The following LAMA2 variants were observed in gnomAD, a reference collection of about 807,000 sequenced individuals.
LAMA2 encodes laminin subunit alpha-2.
A neutral mutation model predicts 364.8 loss-of-function variants in LAMA2; 269 were observed. The observed-to-expected ratio is 0.74, with a 90% confidence interval of 0.67 to 0.82. The LOEUF (loss-of-function observed/expected upper bound fraction) is 0.82, where lower values mean the gene tolerates loss of function less well. LAMA2 is among the 40% of genes least tolerant of loss of function. LAMA2 has a pLI of 0.00. For missense variants in LAMA2, 3,807 were observed against 3,873.2 expected, an observed-to-expected ratio of 0.98 and a Z score of 0.45; for synonymous variants, 1,379 against 1,370.6, an observed-to-expected ratio of 1.01 and a Z score of -0.14.
chr6:129,315,867 CCTA>C lies in LAMA2; in HGVS notation c.3844_3846del (p.Thr1282del). 2 of 1,614,026 alleles carry C rather than the reference CCTA, an allele frequency of 1.2e-6. No individual in the cohort carries two copies. The highest frequency in any genetic ancestry group is 8.5e-7 in the Non-Finnish European group (1 of 1,179,966). On this transcript the variant is annotated inframe_deletion, in exon 26 of 65. Coordinates refer to ENST00000421865, the MANE Select transcript of LAMA2 (RefSeq NM_000426.4). ...TCAAGTGATCATTCGAGGTGGGACA[CCTA>C]CTCATGCTAGAATTATCGTCAGGCA...
intron 1 of LAMA2, among the ~76,000 whole-genome samples, chr6:128,890,393 C>T (rs1223708324): frequency 2.6e-5 from 4 of 151,964 alleles, no homozygotes; most frequent in African/African-American, 9.6e-5. Context: ...CTCTTTTGGA[C>T]TTTTATATAT....
intron 9 of LAMA2, among the ~76,000 whole-genome samples, chr6:129,176,831 T>G (rs1780625850): frequency 6.6e-6 from 1 of 152,126 alleles, no homozygotes; most frequent in Admixed American, 6.5e-5. Context: ...CTTGTGCACA[T>G]TACATGTTTA....
At chr6:128,897,975 C>A (rs1776871886) in intron 1 of LAMA2, among the ~76,000 whole-genome samples, 1 of 152,176 alleles carries the variant, frequency 6.6e-6, no homozygotes, top group Non-Finnish European at 1.5e-5. Flanking sequence ...AGTGCTGTTG[C>A]AATAGTGCTG....
intron 14 of LAMA2, among the ~76,000 whole-genome samples, chr6:129,260,423 C>T (rs2114319109): frequency 6.6e-6 from 1 of 152,148 alleles, no homozygotes; most frequent in Non-Finnish European, 1.5e-5. Flanking sequence ...AAATGTCTGT[C>T]TCCAAAAAAT....
intron 1 of LAMA2, among the ~76,000 whole-genome samples, chr6:128,995,954 TTC>T (rs1047761981): frequency 2.0e-5 from 3 of 152,228 alleles, no homozygotes; most frequent in African/African-American, 4.8e-5. Context: ...TTCCTTTTTA[TTC>T]TCTCTGATGA....
chr6:129,113,715 G>A (rs904064832), intron 4 of LAMA2, among the ~76,000 whole-genome samples: 2 of 151,992 alleles, frequency 1.3e-5, no homozygotes, highest in Non-Finnish European at 2.9e-5. Flanking sequence ...AGCAAAATGA[G>A]AAGGAATAGT....
intron 56 of LAMA2, 95 bp from the exon 57 acceptor site, chr6:129,491,806 G>A (rs1784876108): frequency 2.9e-6 from 3 of 1,027,080 alleles, no homozygotes; most frequent in Non-Finnish European, 4.5e-6. Flanking sequence ...AAAAGCTATG[G>A]TTGAGAGGGG....
At position 129,450,563 on chromosome 6, in the gene LAMA2, C is replaced by T. The variant is rs143625500; in HGVS notation, c.6430-2425C>T. Reference sequence around the variant, plus strand: ...GTCTGGATCTCCTGACCTCATGATCCGCCCATCTCAGCCTCCCAAAGTGCT... The same window carrying T: ...GTCTGGATCTCCTGACCTCATGATCTGCCCATCTCAGCCTCCCAAAGTGCT... On this transcript the variant is annotated intron_variant, in intron 45 of 64. Transcript: ENST00000421865. 1.8e-3 allele frequency among the ~76,000 whole-genome samples: 281 copies of T among 152,176 alleles called. 1 individual carries two copies. Among genetic ancestry groups the T allele is most frequent in the African/African-American group, 6.2e-3 (259 of 41,524 alleles).
chr6:129,167,325 C>G, intron 9 of LAMA2, among the ~76,000 whole-genome samples: 1 of 129,206 alleles, frequency 7.7e-6, no homozygotes, highest in African/African-American at 2.9e-5. Flanking sequence ...CCCCACCCCA[C>G]AACAGTCCCC....
intron 27 of LAMA2, among the ~76,000 whole-genome samples, chr6:129,317,896 T>A (rs1774712014): frequency 6.6e-6 from 1 of 151,978 alleles, no homozygotes; most frequent in Admixed American, 6.6e-5. Flanking sequence ...TGTGACACTT[T>A]GTCTTTTTTT....
intron 22 of LAMA2, among the ~76,000 whole-genome samples, chr6:129,306,813 G>A (rs1773908615): frequency 6.6e-6 from 1 of 151,720 alleles, no homozygotes; most frequent in African/African-American, 2.4e-5. Flanking sequence ...TTTGGACATT[G>A]TATATCTTTT....
chr6:129,449,588 A>G (rs1282118178), intron 45 of LAMA2, among the ~76,000 whole-genome samples: 3 of 152,220 alleles, frequency 2.0e-5, no homozygotes, highest in Admixed American at 6.5e-5. Flanking sequence ...CATTCAAGCC[A>G]TAGCAGTTAC....
chr6:128,994,983 T>G (rs1783839928), intron 1 of LAMA2, among the ~76,000 whole-genome samples: 1 of 152,128 alleles, frequency 6.6e-6, no homozygotes, highest in Non-Finnish European at 1.5e-5. Flanking sequence ...ATTTAATTAG[T>G]TAATGCTTTG....
intron 17 of LAMA2, among the ~76,000 whole-genome samples, chr6:129,278,948 C>T (rs553881385): frequency 7.9e-5 from 12 of 152,138 alleles, no homozygotes; most frequent in African/African-American, 2.7e-4. Context: ...CTGATCTGCA[C>T]CAAAGTTAAG....
intron 29 of LAMA2, among the ~76,000 whole-genome samples, chr6:129,334,032 C>T (rs563017411): frequency 6.6e-6 from 1 of 152,126 alleles, no homozygotes; most frequent in Non-Finnish European, 1.5e-5. Context: ...TATTTTCTTT[C>T]ATGGAACTCA....
chr6:128,896,783 T>C (rs1199163979), intron 1 of LAMA2, among the ~76,000 whole-genome samples: 1 of 152,252 alleles, frequency 6.6e-6, no homozygotes, highest in African/African-American at 2.4e-5. Flanking sequence ...CCTCACAGGC[T>C]ATTCTTTTCT....
At chr6:128,996,358 A>G (rs1490201360) in intron 1 of LAMA2, among the ~76,000 whole-genome samples, 1 of 152,178 alleles carries the variant, frequency 6.6e-6, no homozygotes, top group African/African-American at 2.4e-5. Flanking sequence ...ACAGAATGGG[A>G]GAAAATTTTT....
At position 129,300,728 on chromosome 6, in the gene LAMA2, C is replaced by T. The variant is rs759955280; in HGVS notation, c.3038-8C>T. 77 of 1,613,286 alleles carry T rather than the reference C, an allele frequency of 4.8e-5. No individual in the cohort carries two copies. The highest frequency in any genetic ancestry group is 5.9e-5 in the Non-Finnish European group (69 of 1,179,474). On this transcript the variant is annotated splice_polypyrimidine_tract_variant and splice_region_variant and intron_variant, in intron 21 of 64. Transcript: ENST00000421865. ...CCCTTCTTTGTTTTCCCTCTTATAC[C>T]GGTGAAGCTTGTGAATGTTCTCATC...
intron 9 of LAMA2, among the ~76,000 whole-genome samples, chr6:129,174,079 T>C (rs994357328): frequency 6.6e-6 from 1 of 152,090 alleles, no homozygotes; most frequent in African/African-American, 2.4e-5. Context: ...CAGGTAAAAT[T>C]CTTTACTTAT....
Sources: allele counts gnomAD v4.1 joint callset (sites outside exome capture counted in the v4.1 genomes callset), GRCh38; gene constraint gnomAD v4.1.1; transcripts MANE v1.5; gene names NCBI Gene and HGNC (gene_info 2026-07-23, HGNC 2026-07-21).